Variants in PPM1B observed in about 807,000 individuals in gnomAD.
PPM1B encodes protein phosphatase 1B.
In PPM1B, 22 loss-of-function variants were observed where a neutral mutation model predicts 43.0. The observed-to-expected ratio is 0.51, with a 90% confidence interval of 0.37 to 0.73. The LOEUF is 0.73. Among genes scored for constraint, PPM1B ranks in the 30% least tolerant of loss-of-function variants. The probability of loss-of-function intolerance (pLI) is 0.00; values close to 1 mark genes in which losing one functional copy is unlikely to be tolerated. For synonymous variants in PPM1B, 217 were observed against 197.9 expected (o/e 1.10, Z -0.81); for missense variants, 632 against 584.2 (o/e 1.08, Z -0.84).
chr2:44,227,894 A>G (rs1356740456), intron 5 of PPM1B, among the ~76,000 whole-genome samples: 2 of 148,744 alleles, frequency 1.3e-5, no homozygotes, highest in Admixed American at 6.8e-5. Context: ...AGGCAGGAAA[A>G]CAAGCACTTT....
intron 2 of PPM1B, among the ~76,000 whole-genome samples, chr2:44,206,431 G>C (rs1319365758): frequency 6.6e-6 from 1 of 152,098 alleles, no homozygotes; most frequent in East Asian, 1.9e-4. Context: ...TGGCTAAGAA[G>C]CAACATCACT....
intron 3 of PPM1B, chr2:44,213,564 T>C (rs1162485774): frequency 1.3e-5 from 2 of 152,174 alleles, no homozygotes; most frequent in East Asian, 3.8e-4. Context: ...GAAGAGAGTC[T>C]TTTGCAAATT....
intron 1 of PPM1B, among the ~76,000 whole-genome samples, chr2:44,175,129 C>T (rs1485604534): frequency 2.0e-5 from 3 of 152,128 alleles, no homozygotes; most frequent in Non-Finnish European, 2.9e-5. Flanking sequence ...CGGCATGTGC[C>T]TGTAATCCTA....
chr2:44,207,159 C>T (rs1669229346), intron 2 of PPM1B, among the ~76,000 whole-genome samples: 1 of 152,122 alleles, frequency 6.6e-6, no homozygotes, highest in South Asian at 2.1e-4. Context: ...ACCTTCACTG[C>T]CTTCAAACTT....
intron 1 of PPM1B, among the ~76,000 whole-genome samples, chr2:44,194,035 T>G (rs1668536511): frequency 6.6e-6 from 1 of 152,112 alleles, no homozygotes; most frequent in African/African-American, 2.4e-5. Flanking sequence ...TTTATTTGTT[T>G]GTTTGTTTGT....
chr2:44,174,988 C>T (rs1195763218), intron 1 of PPM1B, among the ~76,000 whole-genome samples: 1 of 152,198 alleles, frequency 6.6e-6, no homozygotes, highest in Non-Finnish European at 1.5e-5. Flanking sequence ...GGCCTGGTGG[C>T]TCACGCCTAT....
chr2:44,214,761 C>T (rs1461399980), intron 3 of PPM1B, among the ~76,000 whole-genome samples: 1 of 152,102 alleles, frequency 6.6e-6, no homozygotes, highest in Admixed American at 6.6e-5. Context: ...CTCATTCAGC[C>T]TGGTTTCTAC....
At chr2:44,245,825 A>C (rs565953909), downstream of PPM1B, among the ~76,000 whole-genome samples, 1 of 151,710 alleles carries the variant, frequency 6.6e-6, no homozygotes, top group Non-Finnish European at 1.5e-5. Flanking sequence ...CCTGCCAAAA[A>C]CTCCTGTCTC....
chr2:44,212,217 C>T (rs1489467902), intron 3 of PPM1B, among the ~76,000 whole-genome samples: 3 of 152,122 alleles, frequency 2.0e-5, no homozygotes, highest in Non-Finnish European at 2.9e-5. Context: ...TCTTTTTGTC[C>T]TGCCTGCAGC....
chr2:44,209,597 G>A (rs1669360674), intron 3 of PPM1B, among the ~76,000 whole-genome samples: 1 of 152,072 alleles, frequency 6.6e-6, no homozygotes, highest in African/African-American at 2.4e-5. Flanking sequence ...GCTACACGGT[G>A]AAACCCCGTC....
Position 44,230,443 on chromosome 2 carries a change from C to T in PPM1B, c.1165C>T (p.Gln389Ter). ...CGATGAAGCAGAGGAAAGTGGATCACAGGGAAAATTGGTGGAAGCTCTCAG... is the reference window on the plus strand; with the variant it reads ...CGATGAAGCAGAGGAAAGTGGATCATAGGGAAAATTGGTGGAAGCTCTCAG... ...ASDEAEESGS[Q>*]GKLVEALRQM... is the part of the protein sequence containing the mutation. Residue 389 changes from glutamine (Q) to a stop codon, truncating the protein, a stop_gained, in exon 6 of 6, where the codon CAG becomes TAG. Transcript: ENST00000282412. LOFTEE classifies it high-confidence loss of function. 1 of 1,614,102 alleles carries T rather than the reference C, an allele frequency of 6.2e-7. No homozygotes were observed. The highest frequency in any genetic ancestry group is 8.5e-7 in the Non-Finnish European group (1 of 1,179,978).
rs1210591487 is a variant in PPM1B at position 44,226,983 on chromosome 2, A to T, written c.1135-3430A>T. 3.4e-5 allele frequency among the ~76,000 whole-genome samples: 5 copies of T among 148,062 alleles called. No homozygotes were observed. The South Asian group carries it at 8.6e-4, about 25-fold the overall frequency. On this transcript the variant is annotated intron_variant, in intron 5 of 5. Transcript: ENST00000282412. ...TTATTTATTTATTTATGAATGAATG[A>T]ATGAATGAATGACAGGGTCTTCCTC...
intron 5 of PPM1B, among the ~76,000 whole-genome samples, chr2:44,229,039 G>T (rs576541786): frequency 6.6e-6 from 1 of 151,766 alleles, no homozygotes; most frequent in Non-Finnish European, 1.5e-5. Context: ...AAAATTAGCC[G>T]GGCATGGTGT....
intron 2 of PPM1B, among the ~76,000 whole-genome samples, chr2:44,204,976 A>G (rs1324027141): frequency 1.3e-5 from 2 of 151,876 alleles, no homozygotes; most frequent in African/African-American, 4.8e-5. Flanking sequence ...TAGGTATTTA[A>G]CTCGAGGGGA....
chr2:44,200,273 A>G lies in PPM1B; in HGVS notation c.-14-913A>G, dbSNP rs373990121. Among the ~76,000 whole-genome samples, 10 of 152,332 alleles carry G rather than the reference A, an allele frequency of 6.6e-5. No individual in the cohort carries two copies. The East Asian group carries it at 1.7e-3, about 26-fold the overall frequency. On this transcript the variant is annotated intron_variant, in intron 1 of 5. Coordinates refer to ENST00000282412, the MANE Select transcript of PPM1B (RefSeq NM_002706.6). ...AGAGTGTAGGGTTAGCATTGTATGTAGAAAACATACCAGAGAATTCTTTTG... is the reference window on the plus strand; with the variant it reads ...AGAGTGTAGGGTTAGCATTGTATGTGGAAAACATACCAGAGAATTCTTTTG...
At chr2:44,215,058 G>GTATATATTTCTAAAGTA (rs1553335003) in intron 3 of PPM1B, among the ~76,000 whole-genome samples, 75 of 152,178 alleles carry the variant, frequency 4.9e-4, no homozygotes, top group African/African-American at 1.7e-3. Flanking sequence ...ACTTTCTAAA[G>GTATATATTTCTAAAGTA]TATATATTAT....
chr2:44,199,350 A>G lies in PPM1B; in HGVS notation c.-14-1836A>G, dbSNP rs6735728. On this transcript the variant is annotated intron_variant, in intron 1 of 5. Transcript: ENST00000282412. ...AAAAAAAAAAAAAATTGAGCCAGGT[A>G]TGGTGGCACGTGCCTGTAGTCCCAG... Among the ~76,000 whole-genome samples the G allele has an allele frequency of 9.9e-3, 1,468 of 148,532 alleles. 34 individuals carry two copies. The highest frequency in any genetic ancestry group is 0.035 in the African/African-American group (1,398 of 40,052).
At chr2:44,179,351 G>A (rs1667748017) in intron 1 of PPM1B, among the ~76,000 whole-genome samples, 1 of 152,136 alleles carries the variant, frequency 6.6e-6, no homozygotes, top group African/African-American at 2.4e-5. Flanking sequence ...AATCCATTGT[G>A]TATTTTACAC....
At chr2:44,173,345 C>T (rs541886292) in intron 1 of PPM1B, among the ~76,000 whole-genome samples, 1 of 152,270 alleles carries the variant, frequency 6.6e-6, no homozygotes, top group Middle Eastern at 3.4e-3. Context: ...TAACATATAA[C>T]ATCCTAGGAA....
Sources: allele counts gnomAD v4.1 joint callset (sites outside exome capture counted in the v4.1 genomes callset), GRCh38; gene constraint gnomAD v4.1.1; transcripts MANE v1.5; gene names NCBI Gene and HGNC (gene_info 2026-07-23, HGNC 2026-07-21).